The following CHD6 variants were observed in gnomAD, a reference collection of about 807,000 sequenced individuals.
The protein encoded by CHD6 is ATP-dependent chromatin remodeler CHD6.
Under a neutral mutation model 276.9 loss-of-function variants are expected in CHD6, and 50 were observed. That is an observed-to-expected ratio of 0.18 (90% CI 0.14 to 0.23). The LOEUF (loss-of-function observed/expected upper bound fraction) is 0.23, where lower values mean the gene tolerates loss of function less well. CHD6 is among the 10% of genes least tolerant of loss of function. CHD6 has a pLI of 1.00. For synonymous variants in CHD6, 1,173 were observed against 1,229.3 expected, an observed-to-expected ratio of 0.95 and a Z score of 0.96; for missense variants, 2,564 against 3,365.8, an observed-to-expected ratio of 0.76 and a Z score of 5.89.
In CHD6 at chr20:41,405,280, C is replaced by T; in HGVS notation, c.7461G>A (p.Met2487Ile). ...CCAGCCCGGTGAGGGGGATGCCTGG[C>T]ATATTTCTCATGTTCTGAAGTCCTA... ...DLVGLQNMRNMPGIPLTGLVG... is the reference protein window; with the variant it reads ...DLVGLQNMRNIPGIPLTGLVG... Residue 2487 changes from methionine to isoleucine, a missense_variant, in exon 37 of 37, where the codon ATG becomes ATA. Physicochemically the swap from Met to Ile is conservative, Grantham distance 10. Around this residue, in one of 7 missense-constraint regions of CHD6, gnomAD observed 25 missense variants for 50.8 expected, o/e 0.49. Coordinates refer to ENST00000373233, the MANE Select transcript of CHD6 (RefSeq NM_032221.5). 1 of 1,614,218 alleles carries T rather than the reference C, an allele frequency of 6.2e-7. No individual in the cohort carries two copies.
intron 1 of CHD6, among the ~76,000 whole-genome samples, chr20:41,582,802 C>A (rs2045554671): frequency 6.6e-6 from 1 of 152,032 alleles, no homozygotes; most frequent in African/African-American, 2.4e-5. Context: ...GACAAAGAAT[C>A]AAATGGAAAT....
intron 32 of CHD6, 70 bp downstream of exon 32, chr20:41,417,128 G>T (rs546171954): frequency 1.4e-4 from 188 of 1,379,546 alleles, no homozygotes; most frequent in Non-Finnish European, 1.8e-4. Flanking sequence ...ATTTCTAAAA[G>T]GGTTAAAAAA....
At position 41,488,443 on chromosome 20, in the gene CHD6, T is replaced by C. The variant is rs754488526; in HGVS notation, c.1842A>G (p.Leu614=). Residue 614 remains leucine, a synonymous_variant, in exon 13 of 37, where the codon CTA becomes CTG. Transcript: ENST00000373233. ...TAACTCTCACCAGGGCCATAAGCTTTAGACCCTCCAGAAGTTTGCAGTTCC... is the reference window on the plus strand; with the variant it reads ...TAACTCTCACCAGGGCCATAAGCTTCAGACCCTCCAGAAGTTTGCAGTTCC... The part of the protein sequence containing the change: ...KNRNCKLLEG[L]KLMALEHKVL... 5 of 1,613,410 alleles carry C rather than the reference T, an allele frequency of 3.1e-6. No homozygotes were observed. In the African/African-American group the frequency reaches 5.3e-5, roughly 17 times the overall value.
chr20:41,445,235 C>T (rs1305155778), intron 25 of CHD6, among the ~76,000 whole-genome samples: 1 of 152,188 alleles, frequency 6.6e-6, no homozygotes, highest in East Asian at 1.9e-4. Context: ...AAAAGATACA[C>T]ACTAGGAAGA....
At chr20:41,536,439 C>G (rs552375442) in intron 2 of CHD6, among the ~76,000 whole-genome samples, 1 of 152,288 alleles carries the variant, frequency 6.6e-6, no homozygotes, top group Non-Finnish European at 1.5e-5. Flanking sequence ...TGGATCAGGT[C>G]AGTTGAAAAG....
intron 17 of CHD6, among the ~76,000 whole-genome samples, chr20:41,472,539 T>C (rs776476288): frequency 1.3e-5 from 2 of 152,220 alleles, no homozygotes; most frequent in Non-Finnish European, 2.9e-5. Flanking sequence ...TAAGATGAAG[T>C]TCTTCATTAA....
rs1173916928 is a variant in CHD6 at position 41,412,232 on chromosome 20, G to A, written c.7163C>T (p.Pro2388Leu). The A allele has an allele frequency of 6.2e-7, 1 of 1,614,126 alleles. No homozygotes were observed. The highest frequency in any genetic ancestry group is 1.1e-5 in the South Asian group (1 of 91,082). Residue 2388 changes from proline (P) to leucine (L), a missense_variant, in exon 36 of 37, where the codon CCA becomes CTA. This residue lies in a region of CHD6 where 1,024 missense variants were observed against 1,047.9 expected (regional missense o/e 0.98). Coordinates refer to ENST00000373233, the MANE Select transcript of CHD6 (RefSeq NM_032221.5). ...TAATTTTCCAGGTTCTTTACAGCGT[G>A]GCCTCCTCTGCTTTGGTTTGTCTGA... ...NFSDKPKQRR[P>L]RCKEPGKLDV... is the part of the protein sequence containing the mutation.
At chr20:41,417,463 T>A (rs1220711203) in intron 31 of CHD6, 114 bp from the exon 32 acceptor site, 19 of 869,248 alleles carry the variant, frequency 2.2e-5, no homozygotes, top group Non-Finnish European at 3.2e-5. Context: ...GCTCATTCTG[T>A]GCTATTTTAA....
chr20:41,555,019 C>G (rs1309164646), intron 1 of CHD6, among the ~76,000 whole-genome samples: 1 of 149,598 alleles, frequency 6.7e-6, no homozygotes, highest in Non-Finnish European at 1.5e-5. Context: ...GCTGACCCCC[C>G]CACCTCCCTC....
intron 17 of CHD6, among the ~76,000 whole-genome samples, chr20:41,467,434 C>T (rs1043457368): frequency 2.0e-5 from 3 of 151,954 alleles, no homozygotes; most frequent in African/African-American, 7.3e-5. Context: ...TGCTATAATC[C>T]CCCAGCCCTA....
At chr20:41,454,157 C>T (rs1488310538) in intron 20 of CHD6, among the ~76,000 whole-genome samples, 5 of 152,232 alleles carry the variant, frequency 3.3e-5, no homozygotes, top group African/African-American at 9.6e-5. Context: ...CGAAGGCATA[C>T]TCTGGTTTCA....
At chr20:41,493,971 G>A (rs2043617324) in intron 8 of CHD6, 27 bp from the exon 9 acceptor site, 1 of 1,567,846 alleles carries the variant, frequency 6.4e-7, no homozygotes, top group Non-Finnish European at 8.8e-7. Context: ...AGAACAGTTA[G>A]GAAGTATGTC....
chr20:41,428,666 T>C (rs1016960917), intron 27 of CHD6, among the ~76,000 whole-genome samples: 2 of 152,170 alleles, frequency 1.3e-5, no homozygotes, highest in Non-Finnish European at 1.5e-5. Flanking sequence ...GAGAATGGCA[T>C]AAACTTCAGG....
chr20:41,592,830 G>A (rs934334902), intron 1 of CHD6, among the ~76,000 whole-genome samples: 3 of 152,020 alleles, frequency 2.0e-5, no homozygotes, highest in Non-Finnish European at 4.4e-5. Flanking sequence ...AACACCAGAG[G>A]GTGTGAGCTA....
intron 16 of CHD6, among the ~76,000 whole-genome samples, chr20:41,476,510 A>T (rs981380942): frequency 6.6e-6 from 1 of 152,168 alleles, no homozygotes; most frequent in African/African-American, 2.4e-5. Flanking sequence ...AAGAAAACCA[A>T]AAAAGCAAAA....
intron 10 of CHD6, among the ~76,000 whole-genome samples, chr20:41,492,675 C>A (rs770891208): frequency 3.3e-5 from 5 of 152,246 alleles, no homozygotes; most frequent in East Asian, 1.9e-4. Flanking sequence ...GTAATCCCAG[C>A]ACTTTGGGAG....
intron 31 of CHD6, among the ~76,000 whole-genome samples, chr20:41,418,484 C>CT (rs879461244): frequency 1.3e-5 from 2 of 151,986 alleles, no homozygotes; most frequent in Admixed American, 1.3e-4. Flanking sequence ...TGGAAATCAT[C>CT]TAGAACATGC....
chr20:41,554,645 G>A (rs1490360419), intron 1 of CHD6, among the ~76,000 whole-genome samples: 10 of 151,056 alleles, frequency 6.6e-5, no homozygotes, highest in South Asian at 2.1e-4. Context: ...ATCTTGCACC[G>A]CCCTTAATCC....
chr20:41,551,050 C>T (rs2045138046), intron 2 of CHD6, among the ~76,000 whole-genome samples: 1 of 152,186 alleles, frequency 6.6e-6, no homozygotes, highest in African/African-American at 2.4e-5. Flanking sequence ...AAATGTTTCT[C>T]TTCTACTTGG....
Sources: gnomAD v4.1 joint callset for allele counts (sites outside exome capture counted in the v4.1 genomes callset) on GRCh38, gnomAD v4.1.1 for gene constraint, gnomAD v4.1.1 regional missense constraint, MANE v1.5 for transcripts, NCBI Gene and HGNC (gene_info 2026-07-23, HGNC 2026-07-21) for gene names.